Variants in MGAT4C observed in about 807,000 individuals in gnomAD.
The protein encoded by MGAT4C is alpha-1,3-mannosyl-glycoprotein 4-beta-N-acetylglucosaminyltransferase C.
In MGAT4C, 19 loss-of-function variants were observed where a neutral mutation model predicts 40.1. That is an observed-to-expected ratio of 0.47 (90% CI 0.33 to 0.70). The LOEUF (loss-of-function observed/expected upper bound fraction) is 0.70. Among genes scored for constraint, MGAT4C ranks in the 30% least tolerant of loss-of-function variants. The pLI is 0.02. For synonymous variants in MGAT4C, 181 were observed against 187.1 expected, an observed-to-expected ratio of 0.97 and a Z score of 0.27; for missense variants, 491 against 563.2, an observed-to-expected ratio of 0.87 and a Z score of 1.30.
chr12:86,067,938 T>C (rs1894714702), intron 1 of MGAT4C, among the ~76,000 whole-genome samples: 1 of 152,126 alleles, frequency 6.6e-6, no homozygotes. Context: ...CATCACAGCA[T>C]GTAGATCCTG....
intron 1 of MGAT4C, among the ~76,000 whole-genome samples, chr12:86,235,505 C>A (rs1480477772): frequency 6.6e-6 from 1 of 152,018 alleles, no homozygotes; most frequent in Non-Finnish European, 1.5e-5. Flanking sequence ...TCCTTCCCTC[C>A]ACCCCCTTGT....
intron 1 of MGAT4C, among the ~76,000 whole-genome samples, chr12:86,734,354 G>T (rs1950953897): frequency 6.6e-6 from 1 of 152,026 alleles, no homozygotes; most frequent in Non-Finnish European, 1.5e-5. Context: ...AACAAAAACA[G>T]CTAAAAACAG....
chr12:86,259,662 C>T (rs1431598435), upstream of MGAT4C, among the ~76,000 whole-genome samples: 1 of 148,670 alleles, frequency 6.7e-6, no homozygotes, highest in East Asian at 2.0e-4. Flanking sequence ...AAATGGCCAG[C>T]TAGCATTTGT....
At chr12:86,679,149 G>C (rs921332451) in intron 2 of MGAT4C, among the ~76,000 whole-genome samples, 15 of 152,152 alleles carry the variant, frequency 9.9e-5, no homozygotes, top group African/African-American at 3.6e-4. Context: ...GTATCTCATT[G>C]TGGTTTTGAT....
Position 86,091,954 on chromosome 12 carries a change from C to T in MGAT4C, c.-56-42231G>A, listed in dbSNP as rs116438257. 7.9e-3 allele frequency among the ~76,000 whole-genome samples: 1,196 copies of T among 152,198 alleles called. 8 individuals carry two copies. The highest frequency in any genetic ancestry group is 0.028 in the African/African-American group (1,153 of 41,552). On this transcript the variant is annotated intron_variant, in intron 1 of 4. Transcript: ENST00000611864. ...CACTAAGGCATGCTTTCTAGTATCA[C>T]AGGAAGAACCAGAAATTGCCTTTCC...
intron 4 of MGAT4C, among the ~76,000 whole-genome samples, chr12:86,269,564 T>C (rs924325365): frequency 1.4e-5 from 2 of 140,292 alleles, no homozygotes; most frequent in African/African-American, 5.5e-5. Flanking sequence ...GGTTTTTTTG[T>C]TTTTTTTTTT....
chr12:86,434,221 C>T (rs147866641), intron 3 of MGAT4C, among the ~76,000 whole-genome samples: 6 of 151,920 alleles, frequency 3.9e-5, no homozygotes, highest in African/African-American at 1.4e-4. Flanking sequence ...AGATGTAGCT[C>T]TTTGGTTGTA....
At chr12:86,199,531 G>T (rs1949958507) in intron 1 of MGAT4C, among the ~76,000 whole-genome samples, 1 of 151,924 alleles carries the variant, frequency 6.6e-6, no homozygotes, top group Non-Finnish European at 1.5e-5. Flanking sequence ...TTTAATGTGT[G>T]TGTTTTTTAT....
At chr12:86,293,830 C>A (rs915914534) in intron 4 of MGAT4C, among the ~76,000 whole-genome samples, 1 of 152,150 alleles carries the variant, frequency 6.6e-6, no homozygotes, top group Non-Finnish European at 1.5e-5. Context: ...CTCACTCCAT[C>A]CTCCTGACCT....
chr12:86,268,308 G>A (rs1401800981), intron 4 of MGAT4C, among the ~76,000 whole-genome samples: 5 of 151,956 alleles, frequency 3.3e-5, no homozygotes, highest in Admixed American at 6.6e-5. Flanking sequence ...TTGGACTCTG[G>A]CTGTCAGGTC....
chr12:86,226,275 C>T (rs999209523), intron 1 of MGAT4C, among the ~76,000 whole-genome samples: 1 of 151,802 alleles, frequency 6.6e-6, no homozygotes, highest in Admixed American at 6.6e-5. Context: ...TTACATAGCT[C>T]CCCTATCAGA....
chr12:86,070,700 G>A (rs901115401), intron 1 of MGAT4C, among the ~76,000 whole-genome samples: 1 of 151,874 alleles, frequency 6.6e-6, no homozygotes, highest in South Asian at 2.1e-4. Flanking sequence ...AATTGTATTT[G>A]AATGAAGTAT....
At chr12:86,653,009 T>C (rs777060822) in intron 2 of MGAT4C, among the ~76,000 whole-genome samples, 5 of 151,932 alleles carry the variant, frequency 3.3e-5, no homozygotes, top group Admixed American at 6.6e-5. Context: ...ATTAAAGCTA[T>C]AGGGGCTTTT....
intron 2 of MGAT4C, among the ~76,000 whole-genome samples, chr12:86,677,312 A>C (rs1244192541): frequency 6.6e-6 from 1 of 152,144 alleles, no homozygotes. Context: ...CTTGATGGCT[A>C]TTAGACTGCA....
chr12:86,653,874 A>G (rs1963768140), intron 2 of MGAT4C, among the ~76,000 whole-genome samples: 1 of 152,024 alleles, frequency 6.6e-6, no homozygotes, highest in Admixed American at 6.6e-5. Flanking sequence ...TATCAATTTT[A>G]AAGGACATTT....
chr12:86,260,938 T>A (rs115957053), upstream of MGAT4C, among the ~76,000 whole-genome samples: 672 of 152,144 alleles, frequency 4.4e-3, 4 homozygotes, highest in African/African-American at 0.016. Context: ...ATACCTTTTT[T>A]TTCCATTGAA....
intron 2 of MGAT4C, among the ~76,000 whole-genome samples, chr12:86,553,208 T>C (rs1208215118): frequency 1.3e-5 from 2 of 152,138 alleles, no homozygotes; most frequent in East Asian, 3.8e-4. Flanking sequence ...TAACCTTTAT[T>C]CTGTTCAGAA....
At chr12:86,163,465 G>A (rs1180435942) in intron 1 of MGAT4C, among the ~76,000 whole-genome samples, 11 of 152,114 alleles carry the variant, frequency 7.2e-5, no homozygotes. Flanking sequence ...CTGCTGGGAT[G>A]ATAGGAGCGA....
intron 1 of MGAT4C, among the ~76,000 whole-genome samples, chr12:86,236,133 T>G (rs1383169250): frequency 1.3e-5 from 2 of 152,084 alleles, no homozygotes; most frequent in African/African-American, 4.8e-5. Context: ...CATGTGTCAC[T>G]GAAAGTACAT....
Sources: gnomAD v4.1 joint callset for allele counts (sites outside exome capture counted in the v4.1 genomes callset) on GRCh38, gnomAD v4.1.1 for gene constraint, MANE v1.5 for transcripts, NCBI Gene and HGNC (gene_info 2026-07-23, HGNC 2026-07-21) for gene names.